Variants in PTGFR observed in about 807,000 individuals in gnomAD.
PTGFR encodes prostaglandin F2-alpha receptor.
In PTGFR, 15 loss-of-function variants were observed where a neutral mutation model predicts 26.2. The observed-to-expected ratio is 0.57, with a 90% confidence interval of 0.38 to 0.88. The LOEUF is 0.88. PTGFR is among the 40% of genes least tolerant of loss of function. PTGFR has a pLI of 0.00. For synonymous variants in PTGFR, 165 were observed against 151.1 expected, an observed-to-expected ratio of 1.09 and a Z score of -0.68; for missense variants, 369 against 427.2, an observed-to-expected ratio of 0.86 and a Z score of 1.20.
At position 78,537,551 on chromosome 1, in the gene PTGFR, G is replaced by C. The variant is rs766697555; in HGVS notation, c.*864G>C. The C allele has an allele frequency of 3.3e-5, 5 of 152,104 alleles. No homozygotes were observed. The highest frequency in any genetic ancestry group is 2.0e-4 in the Admixed American group (3 of 15,222). 9.4% of individuals were successfully genotyped at this position (152,104 alleles called of 1,614,324 possible). On this transcript the variant is annotated 3_prime_UTR_variant, in exon 3 of 3. Transcript: ENST00000370757. ...GCTACATGCCAATGATAGGTGCAAAGAATATTGGCAAAAGGTGCTTTACCT... is the reference window on the plus strand; with the variant it reads ...GCTACATGCCAATGATAGGTGCAAACAATATTGGCAAAAGGTGCTTTACCT...
chr1:78,524,979 T>G (rs1403894220), intron 2 of PTGFR, among the ~76,000 whole-genome samples: 1 of 140,680 alleles, frequency 7.1e-6, no homozygotes, highest in Non-Finnish European at 1.5e-5. Context: ...CACCTTGGCT[T>G]AATCAAAAGT....
At chr1:78,517,120 A>C (rs1239951991) in intron 2 of PTGFR, among the ~76,000 whole-genome samples, 1 of 152,202 alleles carries the variant, frequency 6.6e-6, no homozygotes, top group African/African-American at 2.4e-5. Flanking sequence ...AAAATTCGCT[A>C]TATGAAGGCA....
chr1:78,531,017 C>T (rs1323776921), intron 2 of PTGFR, among the ~76,000 whole-genome samples: 1 of 152,140 alleles, frequency 6.6e-6, no homozygotes, highest in Non-Finnish European at 1.5e-5. Context: ...TTTCCTCCTT[C>T]CTTGAAGACA....
At chr1:78,514,832 A>T (rs1330486199) in intron 2 of PTGFR, among the ~76,000 whole-genome samples, 1 of 152,076 alleles carries the variant, frequency 6.6e-6, no homozygotes, top group Non-Finnish European at 1.5e-5. Context: ...TTCATAAGAT[A>T]TCCGGTTGTT....
chr1:78,492,600 G>C, intron 1 of PTGFR, 72 bp from the exon 2 acceptor site: 1 of 791,342 alleles, frequency 1.3e-6, no homozygotes, highest in Non-Finnish European at 1.9e-6. Context: ...ACCGGGTGCT[G>C]GGGCACGTCA....
chr1:78,492,852 A>G lies in PTGFR; in HGVS notation c.109A>G (p.Met37Val), dbSNP rs776617857. ...RLSVFFSVIF[M>V]TVGILSNSLA... ...TTCCGTATTTTTTTCAGTAATCTTC[A>G]TGACAGTGGGAATCTTGTCAAACAG... Residue 37 changes from methionine to valine, a missense_variant, in exon 2 of 3, where the codon ATG becomes GTG. Physicochemically the swap from Met to Val is conservative, Grantham distance 21 (BLOSUM62 1). Coordinates refer to ENST00000370757, the MANE Select transcript of PTGFR (RefSeq NM_000959.4). 1.2e-6 allele frequency: 2 copies of G among 1,614,224 alleles called. No homozygotes were observed. Among genetic ancestry groups the G allele is most frequent in the East Asian group, 2.2e-5 (1 of 44,888 alleles).
At chr1:78,502,301 T>C (rs1328794563) in intron 2 of PTGFR, among the ~76,000 whole-genome samples, 1 of 152,196 alleles carries the variant, frequency 6.6e-6, no homozygotes, top group Admixed American at 6.5e-5. Context: ...TTATTAGCCT[T>C]TGAAAAAGCA....
intron 2 of PTGFR, among the ~76,000 whole-genome samples, chr1:78,527,352 G>A (rs1224413436): frequency 1.3e-5 from 2 of 151,984 alleles, no homozygotes; most frequent in Non-Finnish European, 2.9e-5. Context: ...ATGATTGATG[G>A]CCTCTCTTGA....
At chr1:78,518,056 A>T (rs1650134558) in intron 2 of PTGFR, among the ~76,000 whole-genome samples, 1 of 152,174 alleles carries the variant, frequency 6.6e-6, no homozygotes, top group Non-Finnish European at 1.5e-5. Context: ...GCAGCAAACC[A>T]CCATGGCACA....
intron 2 of PTGFR, among the ~76,000 whole-genome samples, chr1:78,500,271 T>C (rs1464649844): frequency 6.6e-6 from 1 of 152,222 alleles, no homozygotes; most frequent in Non-Finnish European, 1.5e-5. Flanking sequence ...TGTACTGCTA[T>C]CAGACTAAAA....
rs200749896 is a variant in PTGFR, at chr1:78,493,068, A to G, written c.325A>G (p.Ser109Gly). 2.5e-6 allele frequency: 4 copies of G among 1,614,226 alleles called. No individual in the cohort carries two copies. Among genetic ancestry groups the G allele is most frequent in the African/African-American group, 1.3e-5 (1 of 75,060 alleles). Residue 109 changes from serine (S) to glycine (G), a missense_variant, in exon 2 of 3, where the codon AGT becomes GGT. Coordinates refer to ENST00000370757, the MANE Select transcript of PTGFR (RefSeq NM_000959.4). The stretch of plus-strand genomic sequence containing the variant: ...CTTTGACCAATCAAATGTCCTTTGC[A>G]GTATTTTTGGTATCTGCATGGTGTT... The part of the protein sequence containing the change: ...IRFDQSNVLC[S>G]IFGICMVFSG...
chr1:78,492,709 G>A lies in PTGFR; in HGVS notation c.-35G>A, dbSNP rs1436523828. 1 of 1,568,954 alleles carries A rather than the reference G, an allele frequency of 6.4e-7. No homozygotes were observed. The highest frequency in any genetic ancestry group is 8.7e-7 in the Non-Finnish European group (1 of 1,155,264). ...CAATCCTGCACAGTTTTGAGAGGGA[G>A]ATGACTTGAGTGGTTGGCTTTTATC... On this transcript the variant is annotated 5_prime_UTR_variant, in exon 2 of 3. Coordinates refer to ENST00000370757, the MANE Select transcript of PTGFR (RefSeq NM_000959.4).
intron 2 of PTGFR, among the ~76,000 whole-genome samples, chr1:78,509,101 T>A (rs1183471788): frequency 2.6e-5 from 4 of 152,176 alleles, no homozygotes; most frequent in Admixed American, 6.5e-5. Flanking sequence ...ATTAAAAAAA[T>A]TTTAATGTGG....
intron 2 of PTGFR, among the ~76,000 whole-genome samples, chr1:78,507,410 T>A (rs1465374488): frequency 6.6e-6 from 1 of 152,186 alleles, no homozygotes; most frequent in Non-Finnish European, 1.5e-5. Flanking sequence ...AGGAGCTTAT[T>A]TGGCCATACT....
At chr1:78,514,146 AG>A (rs1296424097) in intron 2 of PTGFR, among the ~76,000 whole-genome samples, 1 of 152,092 alleles carries the variant, frequency 6.6e-6, no homozygotes, top group Non-Finnish European at 1.5e-5. Flanking sequence ...AACTGTGGGG[AG>A]GGGGCCACCA....
At chr1:78,519,717 C>T (rs1034751549) in intron 2 of PTGFR, among the ~76,000 whole-genome samples, 3 of 152,104 alleles carry the variant, frequency 2.0e-5, no homozygotes, top group African/African-American at 7.2e-5. Context: ...CCATGGCCTT[C>T]CAAGGAACAG....
At chr1:78,497,359 A>T (rs971666146) in intron 2 of PTGFR, among the ~76,000 whole-genome samples, 2 of 152,110 alleles carry the variant, frequency 1.3e-5, no homozygotes, top group Non-Finnish European at 2.9e-5. Flanking sequence ...GTTAATTCTA[A>T]ACATCTTTGA....
chr1:78,505,414 C>T (rs750909028), intron 2 of PTGFR, among the ~76,000 whole-genome samples: 15 of 152,216 alleles, frequency 9.9e-5, no homozygotes, highest in Middle Eastern at 3.4e-3. Flanking sequence ...TGAGCCACCA[C>T]GCCTGGCCTA....
At chr1:78,494,527 G>T (rs1307993665) in intron 2 of PTGFR, among the ~76,000 whole-genome samples, 1 of 152,224 alleles carries the variant, frequency 6.6e-6, no homozygotes, top group East Asian at 1.9e-4. Context: ...TAGAATGAAG[G>T]TGCTTGTTAC....
Sources: gnomAD v4.1 joint callset for allele counts (sites outside exome capture counted in the v4.1 genomes callset) on GRCh38, gnomAD v4.1.1 for gene constraint, MANE v1.5 for transcripts, NCBI Gene and HGNC (gene_info 2026-07-23, HGNC 2026-07-21) for gene names.